Variants in LMLN observed in about 807,000 individuals in gnomAD.
LMLN encodes the protein leishmanolysin-like peptidase.
A neutral mutation model predicts 92.3 loss-of-function variants in LMLN; 70 were observed. The ratio of observed to expected loss-of-function variants is 0.76; its 90% CI spans 0.63 to 0.92. The LOEUF (loss-of-function observed/expected upper bound fraction) is 0.92, where lower values mean the gene tolerates loss of function less well. LMLN is among the 40% of genes least tolerant of loss of function. LMLN has a pLI of 0.00. For missense variants in LMLN, 691 were observed against 814.6 expected (o/e 0.85, Z 1.85); for synonymous variants, 308 against 296.2 (o/e 1.04, Z -0.41).
rs552760213 is a variant in LMLN at position 198,003,128 on chromosome 3, A to G, written c.1232+3786A>G. The G allele has an allele frequency of 1.3e-6, 2 of 1,492,472 alleles. No homozygotes were observed. Among genetic ancestry groups the G allele is most frequent in the African/African-American group, 2.8e-5 (2 of 71,958 alleles). 92.5% of individuals were successfully genotyped at this position (1,492,472 alleles called of 1,614,324 possible). A position where few individuals can be genotyped will look rare whatever the true frequency, so the allele number is the denominator to read the frequency against. ...TGGATTGATCAGCAGAGACAAAAGT[A>G]AGAATGCATTTCCTCACAGTGTCAC... is the stretch of plus-strand genomic sequence containing the variant. On this transcript the variant is annotated intron_variant, in intron 11 of 15. Transcript: ENST00000330198.
rs933705204 is a variant in LMLN at position 198,016,180 on chromosome 3, C to G, written c.1233-3073C>G. Among the ~76,000 whole-genome samples, 4 of 147,664 alleles carry G rather than the reference C, an allele frequency of 2.7e-5. No homozygotes were observed. In the South Asian group the frequency reaches 8.7e-4, roughly 32 times the overall value. ...CACTCCAGTGTGGGTGACAGCAAGA[C>G]CCTGTTGCAAAAACAAAAAAAAAAA... On this transcript the variant is annotated intron_variant, in intron 11 of 15. Transcript: ENST00000330198.
At chr3:198,021,627 A>T in intron 13 of LMLN, 22 bp downstream of exon 14, 1 of 1,599,486 alleles carries the variant, frequency 6.3e-7, no homozygotes, top group Non-Finnish European at 8.6e-7. Flanking sequence ...AGTGAAATGA[A>T]GTATTATATA....
At chr3:197,991,988 A>G (rs1361835966) in intron 9 of LMLN, among the ~76,000 whole-genome samples, 1 of 150,198 alleles carries the variant, frequency 6.7e-6, no homozygotes, top group Non-Finnish European at 1.5e-5. Flanking sequence ...CAGCCTCCCA[A>G]GTAGCTGGAA....
chr3:197,988,925 C>T (rs1442189051), intron 8 of LMLN, among the ~76,000 whole-genome samples: 2 of 152,154 alleles, frequency 1.3e-5, no homozygotes, highest in Non-Finnish European at 2.9e-5. Flanking sequence ...TCTAGTGATT[C>T]GCCCATCTCG....
intron 1 of LMLN, among the ~76,000 whole-genome samples, chr3:197,968,561 G>A (rs907201332): frequency 3.9e-5 from 6 of 152,026 alleles, no homozygotes; most frequent in African/African-American, 4.8e-5. Context: ...ACAGGCATAC[G>A]AAATTATAAA....
chr3:198,012,807 G>A (rs1327527706), intron 11 of LMLN, among the ~76,000 whole-genome samples: 1 of 148,284 alleles, frequency 6.7e-6, no homozygotes, highest in Non-Finnish European at 1.5e-5. Flanking sequence ...ACCCTTCAGA[G>A]CCCCCTAACT....
Position 198,008,753 on chromosome 3 carries a change from C to A in LMLN, c.1232+9411C>A, listed in dbSNP as rs190490401. Among the ~76,000 whole-genome samples, 733 of 152,124 alleles carry A rather than the reference C, an allele frequency of 4.8e-3. 5 individuals are homozygous for A. The highest frequency in any genetic ancestry group is 0.017 in the African/African-American group (692 of 41,510). The stretch of plus-strand genomic sequence containing the variant: ...TATATAATACTCTGAAGAATAAATC[C>A]CAGTATATGATGAGGTGTTTATCAT... On this transcript the variant is annotated intron_variant, in intron 11 of 15. Transcript: ENST00000330198.
At chr3:198,028,978 C>A (rs1236023108) in intron 14 of LMLN, among the ~76,000 whole-genome samples, 3 of 152,174 alleles carry the variant, frequency 2.0e-5, no homozygotes, top group African/African-American at 4.8e-5. Flanking sequence ...TGGCTGTGGA[C>A]GTCTCAAGTA....
chr3:197,998,666 A>C (rs913795449), intron 10 of LMLN, among the ~76,000 whole-genome samples: 2 of 152,226 alleles, frequency 1.3e-5, no homozygotes, highest in Non-Finnish European at 2.9e-5. Context: ...AGATGAAATA[A>C]GCTCTGTAAG....
chr3:198,030,030 G>A (rs1723037365), intron 14 of LMLN, among the ~76,000 whole-genome samples: 1 of 151,814 alleles, frequency 6.6e-6, no homozygotes, highest in Admixed American at 6.6e-5. Context: ...TTTTAGTAGA[G>A]ACAGGGTTTC....
At chr3:198,013,987 T>TAACTAGTCTGACTTCTCTCCACCCTTC (rs1722535065) in intron 11 of LMLN, among the ~76,000 whole-genome samples, 1 of 36,200 alleles carries the variant, frequency 2.8e-5, no homozygotes, top group Non-Finnish European at 5.6e-5. Flanking sequence ...CTCCACCCTT[T>TAACTAGTCTGACTTCTCTCCACCCTTC]AGAGCCCCCT....
At chr3:198,003,656 A>G (rs1482207475) in intron 11 of LMLN, among the ~76,000 whole-genome samples, 1 of 117,650 alleles carries the variant, frequency 8.5e-6, no homozygotes, top group East Asian at 2.2e-4. Flanking sequence ...ATACAGATAC[A>G]TATCATACGT....
At chr3:198,035,032 C>T (rs1723173877) in intron 14 of LMLN, among the ~76,000 whole-genome samples, 1 of 152,026 alleles carries the variant, frequency 6.6e-6, no homozygotes, top group Non-Finnish European at 1.5e-5. Flanking sequence ...CAAACCCCAT[C>T]TCTACAAGAA....
intron 13 of LMLN, 144 bp from the exon 15 acceptor site, chr3:198,024,514 C>G (rs1581178358): frequency 9.8e-6 from 7 of 712,522 alleles, no homozygotes; most frequent in Non-Finnish European, 1.5e-5. Flanking sequence ...CGTGCCCAGC[C>G]TACCCTAATT....
At chr3:197,981,025 C>G (rs1045591639) in intron 6 of LMLN, among the ~76,000 whole-genome samples, 9 of 152,024 alleles carry the variant, frequency 5.9e-5, no homozygotes, top group African/African-American at 2.2e-4. Context: ...ATTGCTTGAG[C>G]CTGAGAGGTT....
intron 13 of LMLN, among the ~76,000 whole-genome samples, 188 bp downstream of exon 14, chr3:198,021,793 C>A (rs1722791361): frequency 6.6e-6 from 1 of 152,126 alleles, no homozygotes; most frequent in African/African-American, 2.4e-5. Context: ...ACGATGGAGG[C>A]AATACTTAGA....
chr3:197,999,535 T>C, intron 11 of LMLN, 193 bp downstream of exon 11: 2 of 581,380 alleles, frequency 3.4e-6, no homozygotes, highest in Non-Finnish European at 6.1e-6. Flanking sequence ...TAAATACTTT[T>C]GTTGTTGGTT....
chr3:197,960,235 T>C, exon 1 of LMLN: 2 of 1,609,502 alleles, frequency 1.2e-6, no homozygotes, highest in East Asian at 2.2e-5. Flanking sequence ...GTAACGACGC[T>C]CGGCCCGAAG....
chr3:197,981,630 G>C (rs1721560260), intron 6 of LMLN, among the ~76,000 whole-genome samples: 1 of 152,152 alleles, frequency 6.6e-6, no homozygotes. Context: ...AAGCAGCTTA[G>C]CTTTGAAATG....
Sources: allele counts gnomAD v4.1 joint callset (sites outside exome capture counted in the v4.1 genomes callset), GRCh38; gene constraint gnomAD v4.1.1; transcripts MANE v1.5; gene names NCBI Gene and HGNC (gene_info 2026-07-23, HGNC 2026-07-21).